Variants in FHIT observed in about 807,000 individuals in gnomAD.
FHIT encodes fragile histidine triad diadenosine triphosphatase.
Under a neutral mutation model 17.9 loss-of-function variants are expected in FHIT, and 19 were observed. The ratio of observed to expected loss-of-function variants is 1.06; its 90% CI spans 0.74 to 1.56. The LOEUF is 1.56. Among genes scored for constraint, FHIT ranks in the 40% most tolerant of loss-of-function variants. FHIT has a pLI of 0.00. For synonymous variants in FHIT, 81 were observed against 69.7 expected, an observed-to-expected ratio of 1.16 and a Z score of -0.81; for missense variants, 248 against 189.2, an observed-to-expected ratio of 1.31 and a Z score of -1.82.
intron 3 of FHIT, among the ~76,000 whole-genome samples, chr3:60,855,177 C>T (rs782109689): frequency 2.6e-5 from 4 of 152,098 alleles, no homozygotes; most frequent in Non-Finnish European, 4.4e-5. Context: ...CAAATTCTGA[C>T]GGGCAGCATG....
At chr3:60,745,372 A>G (rs1553715082) in intron 4 of FHIT, among the ~76,000 whole-genome samples, 2 of 152,186 alleles carry the variant, frequency 1.3e-5, no homozygotes, top group South Asian at 2.1e-4. Flanking sequence ...AATAAAGACC[A>G]GTGAGATTGG....
intron 5 of FHIT, among the ~76,000 whole-genome samples, chr3:60,342,359 A>G (rs116521991): frequency 0.013 from 1,916 of 152,340 alleles, 33 homozygotes; most frequent in African/African-American, 0.043. Context: ...TGTGGCAGAT[A>G]TAACACAGGG....
At chr3:61,177,505 T>C (rs945458104) in intron 2 of FHIT, among the ~76,000 whole-genome samples, 1 of 152,218 alleles carries the variant, frequency 6.6e-6, no homozygotes, top group African/African-American at 2.4e-5. Context: ...AGAATGCTGA[T>C]TTCATTATGT....
At chr3:59,892,386 A>G (rs1703891443) in intron 8 of FHIT, among the ~76,000 whole-genome samples, 1 of 152,224 alleles carries the variant, frequency 6.6e-6, no homozygotes, top group Non-Finnish European at 1.5e-5. Flanking sequence ...GAAAATAACC[A>G]TCAACAAAGC....
intron 4 of FHIT, chr3:60,732,624 TG>T (rs2042053517): frequency 3.9e-6 from 2 of 507,692 alleles, no homozygotes; most frequent in East Asian, 4.7e-5. Context: ...AAGTACACGG[TG>T]GGGTTGACCA....
intron 6 of FHIT, among the ~76,000 whole-genome samples, chr3:60,013,628 A>C (rs1377034574): frequency 1.3e-5 from 2 of 152,214 alleles, no homozygotes; most frequent in African/African-American, 4.8e-5. Flanking sequence ...CCTAAGCTGC[A>C]TATCACTGCC....
chr3:60,081,794 G>A (rs1205673168), intron 5 of FHIT, among the ~76,000 whole-genome samples: 3 of 152,044 alleles, frequency 2.0e-5, no homozygotes, highest in African/African-American at 4.8e-5. Flanking sequence ...AGAGTGCCAG[G>A]AATAACAGCC....
intron 5 of FHIT, among the ~76,000 whole-genome samples, chr3:60,206,171 AATT>A (rs72133262): frequency 1.4e-5 from 2 of 143,938 alleles, no homozygotes; most frequent in Admixed American, 6.9e-5. Flanking sequence ...TAATAATAAT[AATT>A]ATAACACTTA....
chr3:59,920,672 C>T (rs943244352), intron 8 of FHIT, among the ~76,000 whole-genome samples: 4 of 152,186 alleles, frequency 2.6e-5, no homozygotes, highest in Admixed American at 6.5e-5. Context: ...ATATAATTCA[C>T]GTGCTAATTT....
intron 4 of FHIT, among the ~76,000 whole-genome samples, chr3:60,803,275 G>A (rs543153455): frequency 6.6e-6 from 1 of 152,306 alleles, no homozygotes; most frequent in African/African-American, 2.4e-5. Context: ...CATGAGTTGT[G>A]TGTGCAACAT....
At chr3:59,957,879 T>C (rs1559498103) in intron 7 of FHIT, among the ~76,000 whole-genome samples, 1 of 152,234 alleles carries the variant, frequency 6.6e-6, no homozygotes, top group Admixed American at 6.5e-5. Flanking sequence ...AGTAAACAAA[T>C]ATTTCTCAGA....
rs142535316 is a variant in FHIT at position 60,941,590 on chromosome 3, TACTG to T, written c.-111+100453_-111+100456del. On this transcript the variant is annotated intron_variant, in intron 3 of 9. Transcript: ENST00000492590. ...CCTATCCATGTTTTTATACTTTTTCTACTGACTATGTTCTTAGGATTTAAATAAA... is the reference window on the plus strand; with the variant it reads ...CCTATCCATGTTTTTATACTTTTTCTACTATGTTCTTAGGATTTAAATAAA... 6.7e-3 allele frequency among the ~76,000 whole-genome samples: 1,024 copies of T among 152,336 alleles called. 11 individuals are homozygous for T. Among genetic ancestry groups the T allele is most frequent in the African/African-American group, 0.024 (983 of 41,572 alleles).
chr3:59,892,733 T>C (rs1407124699), intron 8 of FHIT, among the ~76,000 whole-genome samples: 7 of 152,222 alleles, frequency 4.6e-5, no homozygotes. Flanking sequence ...CATAAAAATA[T>C]AATTTAGATG....
At position 59,748,066 on chromosome 3, in the gene FHIT, A is replaced by T. The variant is rs1051592115; in HGVS notation, c.*1519T>A. ...ATGGTGGCTAGCCTCACTTTTTAAC[A>T]CAGAGACTGAATCTCACTCCTAGTT... is the stretch of plus-strand genomic sequence containing the variant. On this transcript the variant is annotated 3_prime_UTR_variant, in exon 10 of 10. Transcript: ENST00000492590. Among the ~76,000 whole-genome samples the T allele has an allele frequency of 6.6e-6, 1 of 152,156 alleles. No homozygotes were observed. The highest frequency in any genetic ancestry group is 2.4e-5 in the African/African-American group (1 of 41,442).
chr3:60,873,104 G>T (rs552624320), intron 3 of FHIT, among the ~76,000 whole-genome samples: 26 of 151,508 alleles, frequency 1.7e-4, no homozygotes, highest in African/African-American at 6.3e-4. Flanking sequence ...TTTTGTTTTT[G>T]GAGGAGGGGA....
intron 8 of FHIT, among the ~76,000 whole-genome samples, chr3:59,915,876 G>A (rs965651467): frequency 6.6e-6 from 1 of 151,122 alleles, no homozygotes; most frequent in African/African-American, 2.4e-5. Context: ...AGGCTGTAGT[G>A]AGCTATGATT....
chr3:61,013,012 G>C (rs945861921), intron 3 of FHIT, among the ~76,000 whole-genome samples: 1 of 151,984 alleles, frequency 6.6e-6, no homozygotes, highest in African/African-American at 2.4e-5. Flanking sequence ...ACTCATTATA[G>C]TATTTAGATT....
intron 5 of FHIT, among the ~76,000 whole-genome samples, chr3:60,534,440 A>AAAAAT (rs2035907566): frequency 5.6e-5 from 1 of 17,916 alleles, no homozygotes; most frequent in Non-Finnish European, 1.3e-4. Context: ...ACTCCGTCTC[A>AAAAAT]AAAAAAAAAA....
intron 8 of FHIT, among the ~76,000 whole-genome samples, chr3:59,882,970 A>T (rs894915757): frequency 6.6e-6 from 1 of 152,184 alleles, no homozygotes; most frequent in East Asian, 1.9e-4. Context: ...TTTTCTTGGC[A>T]GTGTCCTTAC....
Sources: gnomAD v4.1 joint callset for allele counts (sites outside exome capture counted in the v4.1 genomes callset) on GRCh38, gnomAD v4.1.1 for gene constraint, MANE v1.5 for transcripts, NCBI Gene and HGNC (gene_info 2026-07-23, HGNC 2026-07-21) for gene names.